PRELID2: variants seen among roughly 807,000 people sequenced by gnomAD.
PRELID2 encodes PRELI domain containing 2, also known as PRELI domain-containing protein 2.
A neutral mutation model predicts 28.4 loss-of-function variants in PRELID2; 25 were observed. The observed-to-expected ratio is 0.88, with a 90% CI of 0.64 to 1.23. The LOEUF is 1.23. Ranked by LOEUF, PRELID2 falls within the 50% of genes most tolerant of loss-of-function variation. The probability of loss-of-function intolerance (pLI) is 0.00; values close to 1 mark genes in which losing one functional copy is unlikely to be tolerated. For synonymous variants in PRELID2, 76 were observed against 71.6 expected (o/e 1.06, Z -0.31); for missense variants, 201 against 214.4 (o/e 0.94, Z 0.39).
At chr5:145,461,095 C>T in the PRELID2 span, among the ~76,000 whole-genome samples, 9 of 152,230 alleles carry the variant, frequency 5.9e-5, no homozygotes, top group South Asian at 1.5e-3. Flanking sequence ...TAGTACAAAT[C>T]AGAGCACAAG....
chr5:145,740,626 A>ATATATATATT (rs1756655243), intron 1 of PRELID2, among the ~76,000 whole-genome samples: 1 of 14,450 alleles, frequency 6.9e-5, no homozygotes, highest in Admixed American at 1.4e-3. Context: ...ATATATATAT[A>ATATATATATT]TTATATATAT....
chr5:145,418,770 G>A, the PRELID2 span, among the ~76,000 whole-genome samples: 1 of 151,440 alleles, frequency 6.6e-6, no homozygotes, highest in Admixed American at 6.6e-5. Flanking sequence ...GGGTACATGT[G>A]CACATTGTGC....
At position 145,803,551 on chromosome 5, in the gene PRELID2, G is replaced by A. The variant is rs139431725; in HGVS notation, c.369-7004C>T. On this transcript the variant is annotated intron_variant, in intron 4 of 6. Coordinates refer to ENST00000683046, the MANE Select transcript of PRELID2 (RefSeq NM_205846.3). The stretch of plus-strand genomic sequence containing the variant: ...AAGTTCCTGAAGCTCTGTGAAGTTC[G>A]CTCTTCTCTAAAATGGGGTTAATAA... Among the ~76,000 whole-genome samples, 1,064 of 152,026 alleles carry A rather than the reference G, an allele frequency of 7.0e-3. 8 individuals carry two copies. The highest frequency in any genetic ancestry group is 0.024 in the African/African-American group (976 of 41,458).
In PRELID2 at chr5:145,741,685, AT is replaced by A. The variant is rs1294687627; in HGVS notation, n.70+23245del. Among the ~76,000 whole-genome samples, 7 of 11,638 alleles carry A rather than the reference AT, an allele frequency of 6.0e-4. 2 individuals are homozygous for A. The highest frequency in any genetic ancestry group is 1.1e-3 in the African/African-American group (7 of 6,616). The allele number at this position is 11,638 out of a possible 152,430, so 7.6% of individuals were successfully genotyped here. Reference sequence around the variant, plus strand: ...TTTATATATAAATAATTTATAAATAATTTATTTATATATAAATAATTTATTT... The same window carrying A: ...TTTATATATAAATAATTTATAAATAATTATTTATATATAAATAATTTATTT... On this transcript the variant is annotated intron_variant and non_coding_transcript_variant, in intron 1 of 2. Transcript: ENST00000510259.
the PRELID2 span, among the ~76,000 whole-genome samples, chr5:145,321,128 C>T: frequency 6.6e-6 from 1 of 152,160 alleles, no homozygotes; most frequent in Admixed American, 6.5e-5. Flanking sequence ...CCATTATTAT[C>T]TCCCTTTAAT....
At chr5:145,551,963 C>T (rs897085202) in intron 1 of PRELID2, among the ~76,000 whole-genome samples, 1 of 152,164 alleles carries the variant, frequency 6.6e-6, no homozygotes, top group African/African-American at 2.4e-5. Flanking sequence ...CGCCTTCTGT[C>T]TCCCCATGGA....
At chr5:145,380,217 C>G in the PRELID2 span, among the ~76,000 whole-genome samples, 2 of 152,174 alleles carry the variant, frequency 1.3e-5, no homozygotes, top group Non-Finnish European at 2.9e-5. Context: ...TGCTCCTTGC[C>G]AGTTTAACTC....
chr5:145,668,110 T>C (rs369469051), intron 1 of PRELID2, among the ~76,000 whole-genome samples: 1 of 152,106 alleles, frequency 6.6e-6, no homozygotes, highest in African/African-American at 2.4e-5. Context: ...GCTATTGATC[T>C]GCACATTCAA....
chr5:145,751,551 G>T (rs1211946207), downstream of PRELID2, among the ~76,000 whole-genome samples: 1 of 152,138 alleles, frequency 6.6e-6, no homozygotes. Context: ...CATTTCCAGT[G>T]CCCCAAACAC....
chr5:145,613,164 T>C (rs1298331686), intron 1 of PRELID2, among the ~76,000 whole-genome samples: 1 of 152,200 alleles, frequency 6.6e-6, no homozygotes, highest in East Asian at 1.9e-4. Flanking sequence ...TTTTTTATTA[T>C]AGTCATGCTT....
chr5:145,483,037 G>A (rs1031025741), intron 1 of PRELID2, among the ~76,000 whole-genome samples: 4 of 151,974 alleles, frequency 2.6e-5, no homozygotes, highest in South Asian at 2.1e-4. Context: ...GACACCTGTC[G>A]AACAGTTTTC....
the PRELID2 span, chr5:145,381,722 C>T: frequency 1.9e-3 from 291 of 152,334 alleles, 7 homozygotes; most frequent in East Asian, 0.042. Context: ...GATTTTTCTG[C>T]GAACAAAACA....
chr5:145,511,836 T>A (rs1327904196), intron 1 of PRELID2, among the ~76,000 whole-genome samples: 3 of 152,178 alleles, frequency 2.0e-5, no homozygotes, highest in Admixed American at 2.0e-4. Context: ...CAAGAGAAAC[T>A]GGAAAATAAA....
intron 1 of PRELID2, among the ~76,000 whole-genome samples, chr5:145,723,061 GATACCTA>G (rs1000377557): frequency 5.9e-5 from 9 of 152,028 alleles, no homozygotes; most frequent in African/African-American, 2.2e-4. Context: ...GTATAATATT[GATACCTA>G]AATTTGATTG....
chr5:145,617,854 C>T (rs1753721587), intron 1 of PRELID2, among the ~76,000 whole-genome samples: 2 of 151,908 alleles, frequency 1.3e-5, no homozygotes, highest in African/African-American at 4.8e-5. Context: ...CTGCCTCAGC[C>T]TCCCAAGAAG....
intron 5 of PRELID2, among the ~76,000 whole-genome samples, chr5:145,783,951 C>A (rs1369149126): frequency 2.6e-5 from 4 of 152,102 alleles, no homozygotes; most frequent in African/African-American, 9.7e-5. Flanking sequence ...GAATTGAGCA[C>A]CTCAGAGCAA....
chr5:145,761,076 G>A (rs1471548526), intron 6 of PRELID2, among the ~76,000 whole-genome samples: 2 of 152,208 alleles, frequency 1.3e-5, no homozygotes, highest in African/African-American at 2.4e-5. Context: ...GTTAGGTACA[G>A]TGTAGAACGT....
chr5:145,357,487 G>A, the PRELID2 span, among the ~76,000 whole-genome samples: 119 of 151,974 alleles, frequency 7.8e-4, no homozygotes, highest in African/African-American at 2.7e-3. Flanking sequence ...TTGGAGAACC[G>A]GTCTTCAAGC....
At chr5:145,709,990 T>TG (rs1198636782) in intron 1 of PRELID2, among the ~76,000 whole-genome samples, 1 of 152,182 alleles carries the variant, frequency 6.6e-6, no homozygotes, top group Non-Finnish European at 1.5e-5. Context: ...AATCTATTTA[T>TG]GGGGTTTTTT....
Sources: gnomAD v4.1 joint callset for allele counts (sites outside exome capture counted in the v4.1 genomes callset) on GRCh38, gnomAD v4.1.1 for gene constraint, MANE v1.5 for transcripts, NCBI Gene and HGNC (gene_info 2026-07-23, HGNC 2026-07-21) for gene names.